DNAAF3: variants seen among roughly 807,000 people sequenced by gnomAD.
DNAAF3 encodes UPF0470 protein C19orf51.
In DNAAF3, 40 loss-of-function variants were observed where a neutral mutation model predicts 50.9. That is an observed-to-expected ratio of 0.79 (90% confidence interval 0.61 to 1.02). DNAAF3 has a LOEUF of 1.02. DNAAF3 is among the 50% of genes least tolerant of loss of function. The probability of loss-of-function intolerance (pLI) is 0.00; values close to 1 mark genes in which losing one functional copy is unlikely to be tolerated. For synonymous variants in DNAAF3, 327 were observed against 322.8 expected (o/e 1.01, Z -0.14); for missense variants, 763 against 744.7 (o/e 1.02, Z -0.29).
chr19:55,161,058 C>G lies in DNAAF3; in HGVS notation c.912+7G>C, dbSNP rs1408760485. 1 of 1,537,886 alleles carries G rather than the reference C, an allele frequency of 6.5e-7. No homozygotes were observed. The highest frequency in any genetic ancestry group is 2.0e-5 in the Admixed American group (1 of 50,868). ...CCTCTACCCCCAGTCCCAGCCTCGC[C>G]GCGCACCTTGACTGGCTGGCCGTTG... On this transcript the variant is annotated splice_region_variant and intron_variant, in intron 8 of 11. Coordinates refer to ENST00000524407, the MANE Select transcript of DNAAF3 (RefSeq NM_001256715.2). The surrounding 1 kb of genome is among the most constrained non-coding windows in gnomAD (Gnocchi z 6.4).
intron 4 of DNAAF3, among the ~76,000 whole-genome samples, chr19:55,162,997 CTTTTTTTTTTTTT>C (rs576178532): frequency 1.7e-4 from 16 of 92,208 alleles, no homozygotes; most frequent in East Asian, 1.2e-3. Context: ...TTTTCTTTTT[CTTTTTTTTTTTTT>C]TTTTTTTTTT....
At chr19:55,165,240 C>T in intron 4 of DNAAF3, 130 bp downstream of exon 4, 1 of 875,388 alleles carries the variant, frequency 1.1e-6, no homozygotes. Flanking sequence ...ATGGCGCGAT[C>T]TCGGCTCACT....
chr19:55,160,694 C>A lies in DNAAF3; in HGVS notation c.994G>T (p.Gly332Trp), dbSNP rs1404964851. 6.2e-7 allele frequency: 1 copy of A among 1,613,662 alleles called. No homozygotes were observed. The highest frequency in any genetic ancestry group is 8.5e-7 in the Non-Finnish European group (1 of 1,179,998). The change falls in exon 9 of 12, where the codon GGG becomes TGG. Residue 332 changes from glycine to tryptophan, a missense_variant. Gly to Trp is a radical substitution (Grantham distance 184). Coordinates refer to ENST00000524407, the MANE Select transcript of DNAAF3 (RefSeq NM_001256715.2). This position sits in a 1 kb window ranked among gnomAD's most constrained non-coding sequence, Gnocchi z 4.7. ...AAWGRARATG[G>W]DLEEQQHAEG... ...GCGTGCTGCTGCTCCTCCAGGTCCC[C>A]CCCGGTGGCTCTCGCGCGCCCCCAG...
Position 55,160,624 on chromosome 19 carries a change from G to T in DNAAF3, c.1048+16C>A. 3 of 1,468,344 alleles carry T rather than the reference G, an allele frequency of 2.0e-6. No homozygotes were observed. The highest frequency in any genetic ancestry group is 2.7e-6 in the Non-Finnish European group (3 of 1,118,038). The allele number at this position is 1,468,344 out of a possible 1,614,324, so 91.0% of individuals were successfully genotyped here. A position where few individuals can be genotyped will look rare whatever the true frequency, so the allele number is the denominator to read the frequency against. On this transcript the variant is annotated intron_variant, in intron 9 of 11. Transcript: ENST00000524407. The surrounding 1 kb of genome is among the most constrained non-coding windows in gnomAD (Gnocchi z 4.7). The stretch of plus-strand genomic sequence containing the variant: ...GGCTGGAGTCCCTGGCTTACCTGTT[G>T]TTGTCCCTGGCTTACCTGGAGTCCC...
rs541817053 is a variant in DNAAF3, at chr19:55,166,533, C to G, written c.-15G>C. The G allele has an allele frequency of 1.7e-4, 282 of 1,614,184 alleles. 5 individuals are homozygous for G. The South Asian group carries it at 2.5e-3, about 14-fold the overall frequency. On this transcript the variant is annotated 5_prime_UTR_variant, in exon 1 of 12. Transcript: ENST00000524407. This position sits in a 1 kb window ranked among gnomAD's most constrained non-coding sequence, Gnocchi z 4.0. ...ATACCTTGCCCACACCTTTATCCTC[C>G]AAATATCCCGGGACGCCCCTTCCTC...
In DNAAF3 at chr19:55,166,449, A is replaced by T. The variant is rs548878530; in HGVS notation, c.-4-32T>A. ...AAAAGACATTCTGGGAATCGCACAC[A>T]TTGCCCGCCCCGCTCCCCTCTCACC... On this transcript the variant is annotated intron_variant, in intron 1 of 11. Coordinates refer to ENST00000524407, the MANE Select transcript of DNAAF3 (RefSeq NM_001256715.2). The surrounding 1 kb of genome is among the most constrained non-coding windows in gnomAD (Gnocchi z 4.0). 1.1e-4 allele frequency: 170 copies of T among 1,613,380 alleles called. No individual in the cohort carries two copies. In the African/African-American group the frequency reaches 2.1e-3, roughly 20 times the overall value.
rs1186144878 is a variant in DNAAF3 at position 55,162,213 on chromosome 19, C to T, written c.400G>A (p.Ala134Thr). Reference protein sequence around the residue: ...PPVAAFVRAQADLLAHLVPEP... With the variant: ...PPVAAFVRAQTDLLAHLVPEP... ...GGGACCAGGTGCGCCAGCAGGTCGGCCTGGGCACGCACGAAGGCGGCCACT... is the reference window on the plus strand; with the variant it reads ...GGGACCAGGTGCGCCAGCAGGTCGGTCTGGGCACGCACGAAGGCGGCCACT... The change falls in exon 5 of 12, where the codon GCC becomes ACC. Residue 134 changes from alanine to threonine, a missense_variant. Physicochemically the swap from Ala to Thr is moderately conservative, Grantham distance 58. Coordinates refer to ENST00000524407, the MANE Select transcript of DNAAF3 (RefSeq NM_001256715.2). The T allele has an allele frequency of 8.0e-7, 1 of 1,253,344 alleles. No homozygotes were observed. 77.6% of individuals were successfully genotyped at this position (1,253,344 alleles called of 1,614,324 possible).
Position 55,160,766 on chromosome 19 carries a change from C to A in DNAAF3, c.922G>T (p.Glu308Ter), listed in dbSNP as rs1026878171. ...TCCGTCACGTTGTGTTGAGTGATCT[C>A]CCCGGCCGTCTAACAGTAGAAGGGG... ...SNGQPVKTAG[E>*]ITQHNVTELL... is the part of the protein sequence containing the mutation. Residue 308 changes from glutamate (E) to a stop codon, truncating the protein, a stop_gained, in exon 9 of 12, where the codon GAG becomes TAG. Coordinates refer to ENST00000524407, the MANE Select transcript of DNAAF3 (RefSeq NM_001256715.2). LOFTEE classifies it high-confidence loss of function. The surrounding 1 kb of genome is among the most constrained non-coding windows in gnomAD (Gnocchi z 4.7). 6.2e-7 allele frequency: 1 copy of A among 1,610,296 alleles called. No homozygotes were observed. The highest frequency in any genetic ancestry group is 2.2e-5 in the East Asian group (1 of 44,842).
At position 55,161,380 on chromosome 19, in the gene DNAAF3, C is replaced by T. The variant is rs748535286; in HGVS notation, c.702G>A (p.Arg234=). 94 of 1,607,272 alleles carry T rather than the reference C, an allele frequency of 5.8e-5. No individual in the cohort carries two copies. Among genetic ancestry groups the T allele is most frequent in the Non-Finnish European group, 7.9e-5 (93 of 1,177,316 alleles). Residue 234 remains arginine (R), a synonymous_variant, in exon 7 of 12, where the codon CGG becomes CGA. Transcript: ENST00000524407. This position sits in a 1 kb window ranked among gnomAD's most constrained non-coding sequence, Gnocchi z 6.4. Reference sequence around the variant, plus strand: ...TGAGTTCAAAGGCGACGCCTGTGTCCCGCCAGCGTCGGAACTCCTGGGGGT... The same window carrying T: ...TGAGTTCAAAGGCGACGCCTGTGTCTCGCCAGCGTCGGAACTCCTGGGGGT... The part of the protein sequence containing the change: ...VIHPQEFRRW[R]DTGVAFELRD...
rs569627336 is a variant in DNAAF3 at position 55,165,401 on chromosome 19, G to C, written c.291C>G (p.Ala97=). The C allele has an allele frequency of 2.5e-5, 41 of 1,614,108 alleles. No homozygotes were observed. The Admixed American group carries it at 5.2e-4, about 20-fold the overall frequency. ...VARHMLIFSL[A]LEEPEKMGLQ... The stretch of plus-strand genomic sequence containing the variant: ...GCCCCATCTTCTCCGGTTCCTCCAG[G>C]GCTAGGCTGAAGATCAGCATGTGTC... Residue 97 remains alanine, a synonymous_variant, in exon 4 of 12, where the codon GCC becomes GCG. Transcript: ENST00000524407.
Position 55,166,493 on chromosome 19 carries a change from C to T in DNAAF3, c.-5+30G>A, listed in dbSNP as rs1568869516. 6 of 1,613,810 alleles carry T rather than the reference C, an allele frequency of 3.7e-6. No individual in the cohort carries two copies. The highest frequency in any genetic ancestry group is 4.2e-6 in the Non-Finnish European group (5 of 1,179,782). ...TCTCACCGCCCCTCACTTCTCGCCC[C>T]TTTGCCTCCACATGATACCTTGCCC... On this transcript the variant is annotated intron_variant, in intron 1 of 11. Transcript: ENST00000524407. This position sits in a 1 kb window ranked among gnomAD's most constrained non-coding sequence, Gnocchi z 4.0.
chr19:55,162,736 G>A (rs952886995), intron 4 of DNAAF3: 6 of 938,388 alleles, frequency 6.4e-6, no homozygotes, highest in Non-Finnish European at 7.6e-6. Flanking sequence ...CATTTACATT[G>A]TATTACATAT....
chr19:55,161,980 C>A lies in DNAAF3; in HGVS notation c.480+153G>T, dbSNP rs1175242367. On this transcript the variant is annotated intron_variant, in intron 5 of 11. Transcript: ENST00000524407. This position sits in a 1 kb window ranked among gnomAD's most constrained non-coding sequence, Gnocchi z 6.4. ...AGGCTCCGAAAGCAGAAGCCACCTCCTGCCCCCAGGCCAAATCCCACAGTG... is the reference window on the plus strand; with the variant it reads ...AGGCTCCGAAAGCAGAAGCCACCTCATGCCCCCAGGCCAAATCCCACAGTG... 3 of 1,351,858 alleles carry A rather than the reference C, an allele frequency of 2.2e-6. No homozygotes were observed. Among genetic ancestry groups the A allele is most frequent in the African/African-American group, 1.5e-5 (1 of 65,128 alleles). The allele number at this position is 1,351,858 out of a possible 1,614,324, so 83.7% of individuals were successfully genotyped here.
chr19:55,160,505 G>A lies in DNAAF3; in HGVS notation c.1048+135C>T. The A allele has an allele frequency of 1.4e-6, 2 of 1,452,540 alleles. No individual in the cohort carries two copies. The highest frequency in any genetic ancestry group is 1.9e-6 in the Non-Finnish European group (2 of 1,064,324). The allele number at this position is 1,452,540 out of a possible 1,614,324, so 90.0% of individuals were successfully genotyped here. A position where few individuals can be genotyped will look rare whatever the true frequency, so the allele number is the denominator to read the frequency against. On this transcript the variant is annotated intron_variant, in intron 9 of 11. Transcript: ENST00000524407. This position sits in a 1 kb window ranked among gnomAD's most constrained non-coding sequence, Gnocchi z 4.7. ...GCTCTCAGAATTTAGGAAAGGGAGA[G>A]AAAGAGAGAAAAAGAGACAGAATAT...
At position 55,158,814 on chromosome 19, in the gene DNAAF3, C is replaced by CT. The variant is rs2085765260; in HGVS notation, c.*247dup. 2.3e-6 allele frequency: 1 copy of CT among 434,322 alleles called. No homozygotes were observed. The highest frequency in any genetic ancestry group is 4.0e-6 in the Non-Finnish European group (1 of 246,962). 26.9% of individuals were successfully genotyped at this position (434,322 alleles called of 1,614,324 possible). ...ACTCAGTGTCAGATCCTAGGCTGGG[C>CT]TTAGAGCCTCAGAAGTGGAATTTGG... On this transcript the variant is annotated 3_prime_UTR_variant, in exon 12 of 12. Transcript: ENST00000524407.
rs1252066009 is a variant in DNAAF3, at chr19:55,160,710, G to C, written c.978C>G (p.Arg326=). The C allele has an allele frequency of 6.2e-7, 1 of 1,613,320 alleles. No individual in the cohort carries two copies. The highest frequency in any genetic ancestry group is 2.2e-5 in the East Asian group (1 of 44,846). ...ELLRDVAAWG[R]ARATGGDLEE... is the part of the protein sequence containing the mutation. ...CCAGGTCCCCCCCGGTGGCTCTCGC[G>C]CGCCCCCAGGCGGCCACGTCGCGGA... is the stretch of plus-strand genomic sequence containing the variant. The change falls in exon 9 of 12, where the codon CGC becomes CGG. Residue 326 remains arginine, a synonymous_variant. Transcript: ENST00000524407. The surrounding 1 kb of genome is among the most constrained non-coding windows in gnomAD (Gnocchi z 4.7).
Position 55,165,587 on chromosome 19 carries a change from T to C in DNAAF3, c.229-124A>G. On this transcript the variant is annotated intron_variant, in intron 3 of 11. Transcript: ENST00000524407. ...CGAGTTCTGTACACCAGCCTCTTCC[T>C]TCAAACACAGAAGTCTGTGTCCCCA... 2.9e-6 allele frequency: 3 copies of C among 1,023,566 alleles called. No homozygotes were observed. The Admixed American group carries it at 7.1e-5, about 24-fold the overall frequency. 63.4% of individuals were successfully genotyped at this position (1,023,566 alleles called of 1,614,324 possible).
Position 55,159,261 on chromosome 19 carries a change from A to AG in DNAAF3, c.1426dup (p.Leu476ProfsTer2), listed in dbSNP as rs754792308. 9 of 1,613,974 alleles carry AG rather than the reference A, an allele frequency of 5.6e-6. No individual in the cohort carries two copies. Among genetic ancestry groups the AG allele is most frequent in the Non-Finnish European group, 7.6e-6 (9 of 1,180,028 alleles). On this transcript the variant is annotated frameshift_variant, in exon 12 of 12. Transcript: ENST00000524407. LOFTEE classifies it low-confidence loss of function (END_TRUNC). ...TTCAAGAGGCTGGGCCAGGATGTCA[A>AG]GGGGCGGAGTTCCGGGTTCCACAGC...
chr19:55,165,013 T>C (rs2147308044), intron 4 of DNAAF3, among the ~76,000 whole-genome samples: 1 of 149,498 alleles, frequency 6.7e-6, no homozygotes, highest in South Asian at 2.1e-4. Context: ...TAGATGGAGT[T>C]TCGCTCTCTT....
Sources: gnomAD v4.1 joint callset for allele counts (sites outside exome capture counted in the v4.1 genomes callset) on GRCh38, gnomAD v4.1.1 for gene constraint, Gnocchi (gnomAD v3.1) non-coding constraint, MANE v1.5 for transcripts, NCBI Gene and HGNC (gene_info 2026-07-23, HGNC 2026-07-21) for gene names.